Variants in TRIO observed in about 807,000 individuals in gnomAD.
TRIO encodes the protein triple functional domain protein.
TRIO carries 58 observed loss-of-function variants against 351.9 expected under a neutral mutation model. That is an observed-to-expected ratio of 0.16 (90% CI 0.13 to 0.21). The LOEUF is 0.21. TRIO is among the 10% of genes least tolerant of loss of function. TRIO has a pLI of 1.00. For synonymous variants in TRIO, 1,758 were observed against 1,595.7 expected (o/e 1.10, Z -2.42); for missense variants, 3,201 against 4,027.8 (o/e 0.79, Z 5.56).
At position 14,387,796 on chromosome 5, in the gene TRIO, ATGC is replaced by A; in HGVS notation, c.3835_3837del (p.Ala1279del). The A allele has an allele frequency of 1.2e-6, 2 of 1,614,218 alleles. No individual in the cohort carries two copies. Among genetic ancestry groups the A allele is most frequent in the Non-Finnish European group, 1.7e-6 (2 of 1,180,040 alleles). On this transcript the variant is annotated inframe_deletion, in exon 23 of 57. Coordinates refer to ENST00000344204, the MANE Select transcript of TRIO (RefSeq NM_007118.4). ...CCTGGCTCAGAGGTGAAACTTCGAG[ATGC>A]TGCTCATGAACTTAATGAAGAGAAG...
intron 31 of TRIO, among the ~76,000 whole-genome samples, chr5:14,403,393 GTAGGTT>G (rs1748327246): frequency 9.0e-6 from 1 of 110,704 alleles, no homozygotes; most frequent in Non-Finnish European, 1.8e-5. Flanking sequence ...TTGTGAGGGT[GTAGGTT>G]GTGATGAGGG....
rs1273776886 is a variant in TRIO, at chr5:14,461,300, A to G, written c.5485A>G (p.Thr1829Ala). The G allele has an allele frequency of 6.3e-7, 1 of 1,578,606 alleles. No homozygotes were observed. Among genetic ancestry groups the G allele is most frequent in the Non-Finnish European group, 8.6e-7 (1 of 1,162,092 alleles). Reference protein sequence around the residue: ...DDSAATPQDETVEERGRNEGL... With the variant: ...DDSAATPQDEAVEERGRNEGL... The stretch of plus-strand genomic sequence containing the variant: ...CAGTGCGGCCACCCCGCAGGACGAG[A>G]CGGTCGAGGAGGTGAGGCTCTGCCC... The change falls in exon 35 of 57, where the codon ACG becomes GCG. Residue 1829 changes from threonine (T) to alanine (A), a missense_variant. Thr to Ala is a moderately conservative substitution (Grantham distance 58). Around this residue, in one of 19 missense-constraint regions of TRIO, gnomAD observed 193 missense variants for 218.8 expected, o/e 0.88. Transcript: ENST00000344204.
rs193132120 is a variant in TRIO at position 14,271,313 on chromosome 5, G to T, written c.232+414G>T. On this transcript the variant is annotated intron_variant, in intron 2 of 56. Transcript: ENST00000344204. ...GCCTCTGTTGCCTTGTCTTTTGGGA[G>T]GCAAGGATGCCTGCTTCTCCTTGAG... is the stretch of plus-strand genomic sequence containing the variant. 5.3e-4 allele frequency among the ~76,000 whole-genome samples: 80 copies of T among 152,248 alleles called. 1 individual carries two copies. The highest frequency in any genetic ancestry group is 3.4e-3 in the Middle Eastern group (1 of 294).
At position 14,498,144 on chromosome 5, in the gene TRIO, C is replaced by T. The variant is rs779442534; in HGVS notation, c.8103C>T (p.Thr2701=). The part of the protein sequence containing the change: ...LSEVTCETGE[T]VVLRCRVCGR... ...AGGTCACGTGTGAGACAGGGGAGACCGTTGTTCTTAGATGTCGAGTCTGTG... is the reference window on the plus strand; with the variant it reads ...AGGTCACGTGTGAGACAGGGGAGACTGTTGTTCTTAGATGTCGAGTCTGTG... Residue 2701 remains threonine, a synonymous_variant, in exon 52 of 57, where the codon ACC becomes ACT. Coordinates refer to ENST00000344204, the MANE Select transcript of TRIO (RefSeq NM_007118.4). 4 of 1,614,024 alleles carry T rather than the reference C, an allele frequency of 2.5e-6. No individual in the cohort carries two copies. The highest frequency in any genetic ancestry group is 1.3e-5 in the African/African-American group (1 of 74,910).
At chr5:14,502,017 C>T (rs1757328664) in intron 53 of TRIO, among the ~76,000 whole-genome samples, 1 of 152,184 alleles carries the variant, frequency 6.6e-6, no homozygotes, top group Admixed American at 6.5e-5. Context: ...TTACAGTTGG[C>T]ACTTTTATAA....
Position 14,498,505 on chromosome 5 carries a change from C to T in TRIO, c.8211-14C>T. ...GCTTTTCTGATGCGCAGTGTGTTCC[C>T]ATCTGTGCCGCAGTGACCTGGGAGA... On this transcript the variant is annotated splice_polypyrimidine_tract_variant and intron_variant, in intron 52 of 56. Transcript: ENST00000344204. 1.2e-6 allele frequency: 2 copies of T among 1,612,678 alleles called. No individual in the cohort carries two copies. The highest frequency in any genetic ancestry group is 1.7e-6 in the Non-Finnish European group (2 of 1,178,864).
intron 34 of TRIO, among the ~76,000 whole-genome samples, chr5:14,441,702 T>C (rs920322368): frequency 1.3e-5 from 2 of 152,240 alleles, no homozygotes; most frequent in Non-Finnish European, 2.9e-5. Context: ...AATTGCCTTA[T>C]GATTTTAGTT....
chr5:14,372,141 A>G (rs1247247158), intron 18 of TRIO, among the ~76,000 whole-genome samples: 1 of 149,086 alleles, frequency 6.7e-6, no homozygotes, highest in Non-Finnish European at 1.5e-5. Context: ...CTGTGGGGTC[A>G]TTTAGCACCA....
chr5:14,401,282 T>A (rs1748047550), intron 31 of TRIO, among the ~76,000 whole-genome samples: 1 of 152,262 alleles, frequency 6.6e-6, no homozygotes, highest in Non-Finnish European at 1.5e-5. Flanking sequence ...ACTTGACTCC[T>A]GAAAGGGCAA....
At chr5:14,413,926 A>C (rs1156895631) in intron 33 of TRIO, among the ~76,000 whole-genome samples, 1 of 152,220 alleles carries the variant, frequency 6.6e-6, no homozygotes, top group East Asian at 1.9e-4. Context: ...TCAGCTAGTT[A>C]ACATAAGCTG....
At chr5:14,290,590 T>A in intron 4 of TRIO, 126 bp from the exon 5 acceptor site, 4 of 960,350 alleles carry the variant, frequency 4.2e-6, no homozygotes, top group Non-Finnish European at 4.5e-6. Flanking sequence ...GAACCAGGTA[T>A]GTTATGTTTT....
At position 14,488,275 on chromosome 5, in the gene TRIO, G is replaced by C. The variant is rs1756173057; in HGVS notation, c.7632+15G>C. 1 of 1,541,518 alleles carries C rather than the reference G, an allele frequency of 6.5e-7. No individual in the cohort carries two copies. The highest frequency in any genetic ancestry group is 8.7e-7 in the Non-Finnish European group (1 of 1,148,660). On this transcript the variant is annotated intron_variant, in intron 48 of 56. Transcript: ENST00000344204. ...AGAGCAACGGGGTAAGCGCGTCGGG[G>C]GGCCCGCGCCCTCCCGCCCCCCTGC... is the stretch of plus-strand genomic sequence containing the variant.
At chr5:14,357,996 G>T (rs1579419094) in intron 11 of TRIO, among the ~76,000 whole-genome samples, 182 bp from the exon 12 acceptor site, 2 of 152,168 alleles carry the variant, frequency 1.3e-5, no homozygotes, top group South Asian at 4.1e-4. Context: ...GTGTTCCGCT[G>T]GCAGTGGGAC....
At chr5:14,448,777 T>C (rs947015241) in intron 34 of TRIO, among the ~76,000 whole-genome samples, 1 of 152,206 alleles carries the variant, frequency 6.6e-6, no homozygotes, top group African/African-American at 2.4e-5. Context: ...TGTCTCTCTT[T>C]CACCCAGCAA....
In TRIO at chr5:14,487,552, C is replaced by T. The variant is rs1194072475; in HGVS notation, c.6924C>T (p.Ser2308=). 4.7e-6 allele frequency: 5 copies of T among 1,061,758 alleles called. No individual in the cohort carries two copies. In the East Asian group the frequency reaches 2.0e-4, roughly 42 times the overall value. The allele number at this position is 1,061,758 out of a possible 1,614,324, so 65.8% of individuals were successfully genotyped here. A position where few individuals can be genotyped will look rare whatever the true frequency, so the allele number is the denominator to read the frequency against. ...GSGGSGGGGG[S]GGGGAPSGGS... is the part of the protein sequence containing the mutation. ...GGGGCAGCGGCGGGGGTGGGGGCAG[C>T]GGCGGCGGCGGGGCCCCCAGTGGCG... The change falls in exon 48 of 57, where the codon AGC becomes AGT. Residue 2308 remains serine, a synonymous_variant. Transcript: ENST00000344204.
chr5:14,409,189 A>G (rs1241360790), intron 33 of TRIO, among the ~76,000 whole-genome samples: 1 of 152,168 alleles, frequency 6.6e-6, no homozygotes, highest in Non-Finnish European at 1.5e-5. Flanking sequence ...CGCGTGGCTG[A>G]TTGGGATTCC....
At chr5:14,437,428 G>C (rs1270829724) in intron 34 of TRIO, among the ~76,000 whole-genome samples, 2 of 152,262 alleles carry the variant, frequency 1.3e-5, no homozygotes, top group East Asian at 3.9e-4. Context: ...TATTCCATTT[G>C]GAGTATAGTA....
intron 1 of TRIO, among the ~76,000 whole-genome samples, chr5:14,227,179 A>G (rs1451583076): frequency 1.3e-5 from 2 of 152,136 alleles, no homozygotes; most frequent in African/African-American, 2.4e-5. Context: ...TATTTCAAGC[A>G]TTTGGTCATT....
At chr5:14,194,684 T>C (rs1300237929) in intron 1 of TRIO, among the ~76,000 whole-genome samples, 3 of 152,232 alleles carry the variant, frequency 2.0e-5, no homozygotes, top group African/African-American at 7.2e-5. Flanking sequence ...TTGTGGTATG[T>C]TTAATAGAGG....
Sources: allele counts gnomAD v4.1 joint callset (sites outside exome capture counted in the v4.1 genomes callset), GRCh38; gene constraint gnomAD v4.1.1; regional missense constraint gnomAD v4.1.1; transcripts MANE v1.5; gene names NCBI Gene and HGNC (gene_info 2026-07-23, HGNC 2026-07-21).